The following COL4A5 variants were observed in gnomAD, a reference collection of about 807,000 sequenced individuals.
COL4A5 encodes the protein collagen alpha-5(IV) chain.
COL4A5 carries 26 observed loss-of-function variants against 130.2 expected under a neutral mutation model. The ratio of observed to expected loss-of-function variants is 0.20; its 90% confidence interval spans 0.15 to 0.28. The LOEUF is 0.28. Among genes scored for constraint, COL4A5 ranks in the 10% least tolerant of loss-of-function variants. The pLI, the probability that COL4A5 is intolerant of heterozygous loss-of-function variation, is 1.00. For synonymous variants in COL4A5, 496 were observed against 439.6 expected, an observed-to-expected ratio of 1.13 and a Z score of -1.60; for missense variants, 1,131 against 1,344.3, an observed-to-expected ratio of 0.84 and a Z score of 2.48.
At chrX:108,508,662 C>A (rs1337843590) in intron 1 of COL4A5, among the ~76,000 whole-genome samples, 1 of 106,599 alleles carries the variant, frequency 9.4e-6, no homozygotes, top group Admixed American at 1.0e-4. Context: ...CAACTTCAAA[C>A]TACACTACAG....
chrX:108,626,912 A>G, intron 36 of COL4A5: 1 of 760,368 alleles, frequency 1.3e-6, no homozygotes, highest in Non-Finnish European at 1.6e-6. Context: ...GTTTAGTTCC[A>G]TGTCAAAAAG....
At chrX:108,580,412 TC>T (rs1424156609) in intron 13 of COL4A5, 120 bp from the exon 14 acceptor site, 1 of 622,856 alleles carries the variant, frequency 1.6e-6, no homozygotes, top group Non-Finnish European at 2.8e-6. Flanking sequence ...ACCATGTTGC[TC>T]CAACATAGAT....
chrX:108,672,687 A>G (rs1297551574), intron 42 of COL4A5, among the ~76,000 whole-genome samples: 1 of 112,189 alleles, frequency 8.9e-6, no homozygotes, highest in East Asian at 2.8e-4. Flanking sequence ...GCTTTTTAAA[A>G]TAGAGTCTTA....
chrX:108,669,244 G>A (rs1252249526), intron 41 of COL4A5, among the ~76,000 whole-genome samples: 1 of 112,049 alleles, frequency 8.9e-6, no homozygotes, highest in Non-Finnish European at 1.9e-5. Context: ...ACTGGTGATA[G>A]GTTATGAACA....
intron 1 of COL4A5, among the ~76,000 whole-genome samples, chrX:108,535,333 T>C (rs1342758090): frequency 2.7e-5 from 3 of 111,733 alleles, no homozygotes; most frequent in African/African-American, 9.7e-5. Flanking sequence ...ATGTTTCTTT[T>C]GGCTTTTGCT....
intron 19 of COL4A5, among the ~76,000 whole-genome samples, chrX:108,586,966 C>T (rs1004454880): frequency 9.4e-6 from 1 of 106,415 alleles, no homozygotes; most frequent in South Asian, 3.8e-4. Flanking sequence ...TCCTAAGATT[C>T]CTATTTCTAC....
chrX:108,682,212 A>G (rs187293104), intron 47 of COL4A5, among the ~76,000 whole-genome samples: 1 of 111,234 alleles, frequency 9.0e-6, no homozygotes, highest in Non-Finnish European at 1.9e-5. Flanking sequence ...TGTCCATGCA[A>G]AGGACATGAA....
At chrX:108,519,210 G>A (rs1200794842) in intron 1 of COL4A5, among the ~76,000 whole-genome samples, 1 of 111,088 alleles carries the variant, frequency 9.0e-6, no homozygotes, top group African/African-American at 3.3e-5. Context: ...AGAATGGTCA[G>A]TCCACAAAAA....
At chrX:108,457,014 G>A (rs1230006108) in intron 1 of COL4A5, among the ~76,000 whole-genome samples, 1 of 111,501 alleles carries the variant, frequency 9.0e-6, no homozygotes, top group East Asian at 2.8e-4. Flanking sequence ...ACTGACAAGG[G>A]AGCCCCAAAC....
At chrX:108,606,398 C>G (rs1269414637) in intron 28 of COL4A5, among the ~76,000 whole-genome samples, 1 of 111,420 alleles carries the variant, frequency 9.0e-6, no homozygotes, top group Non-Finnish European at 1.9e-5. Context: ...TGTTATCATA[C>G]TTAGTAAAAT....
chrX:108,558,987 G>A (rs911835819), intron 2 of COL4A5, 77 bp from the exon 3 acceptor site: 1 of 791,729 alleles, frequency 1.3e-6, no homozygotes, highest in Non-Finnish European at 1.9e-6. Flanking sequence ...ATAGTCATGT[G>A]ATCTTTTTGA....
At chrX:108,512,214 A>G (rs1354138389) in intron 1 of COL4A5, among the ~76,000 whole-genome samples, 1 of 111,955 alleles carries the variant, frequency 8.9e-6, no homozygotes, top group Non-Finnish European at 1.9e-5. Flanking sequence ...AGTTTTGACA[A>G]TACATACATC....
intron 1 of COL4A5, among the ~76,000 whole-genome samples, chrX:108,479,120 C>A (rs760191349): frequency 1.0e-3 from 118 of 112,457 alleles, no homozygotes; most frequent in African/African-American, 3.3e-3. Flanking sequence ...GTGGTGTCCA[C>A]AGAATGGGTC....
intron 24 of COL4A5, among the ~76,000 whole-genome samples, chrX:108,597,839 T>G (rs1034299254): frequency 9.0e-6 from 1 of 111,600 alleles, no homozygotes; most frequent in Non-Finnish European, 1.9e-5. Flanking sequence ...TTAAGATGTT[T>G]ATGAGACAGT....
chrX:108,502,258 AGTTTT>A (rs372234708), intron 1 of COL4A5, among the ~76,000 whole-genome samples: 10,966 of 108,762 alleles, frequency 0.1, 1,171 homozygotes, highest in African/African-American at 0.3. Context: ...GGAAGGTAAT[AGTTTT>A]GTTTTGTTTT....
chrX:108,613,105 C>A (rs1053481124), intron 29 of COL4A5, among the ~76,000 whole-genome samples: 5 of 112,119 alleles, frequency 4.5e-5, no homozygotes, highest in African/African-American at 1.6e-4. Flanking sequence ...TCTACCTGCA[C>A]TTCCTACCTT....
At chrX:108,667,027 T>C (rs1278482852) in intron 39 of COL4A5, 106 bp from the exon 40 acceptor site, 1 of 663,605 alleles carries the variant, frequency 1.5e-6, no homozygotes, top group Non-Finnish European at 2.5e-6. Context: ...ATAATATACA[T>C]TGCTGCACCT....
chrX:108,638,560 C>T (rs139240289), intron 36 of COL4A5, among the ~76,000 whole-genome samples: 598 of 111,723 alleles, frequency 5.4e-3, no homozygotes, highest in Non-Finnish European at 8.0e-3. Flanking sequence ...TACTGGAATT[C>T]CTAGCCAGAC....
chrX:108,631,528 A>G (rs1050865132), intron 36 of COL4A5, among the ~76,000 whole-genome samples: 2 of 111,230 alleles, frequency 1.8e-5, no homozygotes, highest in African/African-American at 6.5e-5. Context: ...CAGAATATAC[A>G]TTCCTCTCAG....
Sources: allele counts gnomAD v4.1 joint callset (sites outside exome capture counted in the v4.1 genomes callset), GRCh38; gene constraint gnomAD v4.1.1; transcripts MANE v1.5; gene names NCBI Gene and HGNC (gene_info 2026-07-23, HGNC 2026-07-21).